The following ANTXR1 variants were observed in gnomAD, a reference collection of about 807,000 sequenced individuals.
ANTXR1 encodes ANTXR cell adhesion molecule 1.
A neutral mutation model predicts 78.1 loss-of-function variants in ANTXR1; 19 were observed. The ratio of observed to expected loss-of-function variants is 0.24; its 90% confidence interval spans 0.17 to 0.36. ANTXR1 has a LOEUF of 0.36. Among genes scored for constraint, ANTXR1 ranks in the 10% least tolerant of loss-of-function variants. ANTXR1 has a pLI of 1.00. For missense variants in ANTXR1, 518 were observed against 718.6 expected (o/e 0.72, Z 3.19); for synonymous variants, 273 against 260.5 (o/e 1.05, Z -0.46).
At chr2:69,168,146 T>A (rs923024859) in intron 13 of ANTXR1, among the ~76,000 whole-genome samples, 3 of 152,150 alleles carry the variant, frequency 2.0e-5, no homozygotes, top group Non-Finnish European at 4.4e-5. Context: ...GGCATCTCTG[T>A]CTGGAAGCCA....
At chr2:69,194,694 A>G (rs1674622372) in intron 17 of ANTXR1, among the ~76,000 whole-genome samples, 1 of 151,932 alleles carries the variant, frequency 6.6e-6, no homozygotes. Flanking sequence ...CTCTACTAAA[A>G]ATACAAAAAT....
At chr2:69,189,648 G>A (rs1007363095) in intron 16 of ANTXR1, among the ~76,000 whole-genome samples, 9 of 152,210 alleles carry the variant, frequency 5.9e-5, no homozygotes, top group Non-Finnish European at 1.0e-4. Flanking sequence ...GTGGGTCAGG[G>A]GTGGATGGGA....
intron 9 of ANTXR1, among the ~76,000 whole-genome samples, chr2:69,099,161 C>T (rs577714363): frequency 1.3e-5 from 2 of 152,356 alleles, no homozygotes; most frequent in South Asian, 4.1e-4. Flanking sequence ...TACTTTCTGT[C>T]TCTGTAGATC....
chr2:69,090,068 G>A (rs1033855074), intron 8 of ANTXR1, among the ~76,000 whole-genome samples: 2 of 152,132 alleles, frequency 1.3e-5, no homozygotes, highest in Non-Finnish European at 2.9e-5. Context: ...TTGTGGACAA[G>A]TGTACATTTC....
intron 17 of ANTXR1, among the ~76,000 whole-genome samples, chr2:69,210,240 C>T (rs906221036): frequency 1.3e-5 from 2 of 152,168 alleles, no homozygotes; most frequent in Non-Finnish European, 2.9e-5. Context: ...TTCTGTTCAC[C>T]CCGTAATAAT....
At chr2:69,057,128 A>T (rs888937200) in intron 3 of ANTXR1, among the ~76,000 whole-genome samples, 2 of 152,086 alleles carry the variant, frequency 1.3e-5, no homozygotes, top group Admixed American at 6.6e-5. Flanking sequence ...CTATTTTGTC[A>T]TATTTTATTG....
At chr2:69,104,418 C>T (rs543097078) in intron 10 of ANTXR1, among the ~76,000 whole-genome samples, 137 of 152,280 alleles carry the variant, frequency 9.0e-4, no homozygotes, top group African/African-American at 3.0e-3. Context: ...TAGAAACATT[C>T]GGTTAGTTTT....
chr2:69,093,377 T>A, intron 9 of ANTXR1, among the ~76,000 whole-genome samples: 1 of 152,206 alleles, frequency 6.6e-6, no homozygotes, highest in Non-Finnish European at 1.5e-5. Flanking sequence ...AGGAAAAATC[T>A]CCACCACTTA....
In ANTXR1 at chr2:69,103,041, G is replaced by A; in HGVS notation, c.802+101G>A. 1.7e-6 allele frequency: 2 copies of A among 1,201,402 alleles called. 1 individual carries two copies. Among genetic ancestry groups the A allele is most frequent in the Middle Eastern group, 3.9e-4 (2 of 5,138 alleles). 74.4% of individuals were successfully genotyped at this position (1,201,402 alleles called of 1,614,324 possible). A position where few individuals can be genotyped will look rare whatever the true frequency, so the allele number is the denominator to read the frequency against. ...CAAGGCCACACACATGAAACCAGCAGAAAAGAGTCTTATTTGCTGGAAAGA... is the reference window on the plus strand; with the variant it reads ...CAAGGCCACACACATGAAACCAGCAAAAAAGAGTCTTATTTGCTGGAAAGA... On this transcript the variant is annotated intron_variant, in intron 10 of 17. Coordinates refer to ENST00000303714, the MANE Select transcript of ANTXR1 (RefSeq NM_032208.3).
At chr2:69,204,768 C>G (rs1457965945) in intron 17 of ANTXR1, among the ~76,000 whole-genome samples, 1 of 152,164 alleles carries the variant, frequency 6.6e-6, no homozygotes, top group African/African-American at 2.4e-5. Context: ...TCCTGTCCTC[C>G]TACCTCTTCC....
intron 13 of ANTXR1, among the ~76,000 whole-genome samples, chr2:69,166,372 G>C (rs1367602731): frequency 6.6e-6 from 1 of 152,106 alleles, no homozygotes; most frequent in Non-Finnish European, 1.5e-5. Flanking sequence ...AAATTCTCAG[G>C]TATCAGAGAA....
At chr2:69,070,255 T>C (rs112321542) in intron 3 of ANTXR1, among the ~76,000 whole-genome samples, 3 of 152,322 alleles carry the variant, frequency 2.0e-5, no homozygotes, top group African/African-American at 7.2e-5. Flanking sequence ...GTGGTGGCCT[T>C]TCCCTGGGTT....
chr2:69,129,700 G>A (rs1261337419), intron 12 of ANTXR1, among the ~76,000 whole-genome samples: 4 of 151,462 alleles, frequency 2.6e-5, no homozygotes, highest in Admixed American at 6.6e-5. Flanking sequence ...ACAGTGAGCC[G>A]AGATTGCACC....
intron 14 of ANTXR1, among the ~76,000 whole-genome samples, chr2:69,178,522 G>A (rs555987400): frequency 6.6e-6 from 1 of 152,276 alleles, no homozygotes; most frequent in South Asian, 2.1e-4. Context: ...GGACAAGAGG[G>A]AGGAGCCAGG....
rs2104502834 is a variant in ANTXR1, at chr2:69,214,864, G to A, written c.1434+21449G>A. On this transcript the variant is annotated intron_variant, in intron 17 of 17. Coordinates refer to ENST00000303714, the MANE Select transcript of ANTXR1 (RefSeq NM_032208.3). ...CCTTCCAGTAGTTTCCTTGACACAG[G>A]CAGATGTTTCTTTATTCCCAGTGTT... Among the ~76,000 whole-genome samples, 3 of 152,294 alleles carry A rather than the reference G, an allele frequency of 2.0e-5. No homozygotes were observed. The South Asian group carries it at 6.2e-4, about 32-fold the overall frequency.
chr2:69,201,060 T>A (rs185630102), intron 17 of ANTXR1, among the ~76,000 whole-genome samples: 1 of 152,282 alleles, frequency 6.6e-6, no homozygotes, highest in Admixed American at 6.5e-5. Context: ...ACTGTATTAG[T>A]GCTTGATATT....
rs576744840 is a variant in ANTXR1, at chr2:69,226,981, G to A, written c.1435-18244G>A. Among the ~76,000 whole-genome samples the A allele has an allele frequency of 7.2e-5, 11 of 152,118 alleles. No homozygotes were observed. The East Asian group carries it at 9.6e-4, about 13-fold the overall frequency. ...CATTTAATTAGTGCAGGCTGGATTC[G>A]TGAAGCATTTCGTGCACCATGAAAA... On this transcript the variant is annotated intron_variant, in intron 17 of 17. Coordinates refer to ENST00000303714, the MANE Select transcript of ANTXR1 (RefSeq NM_032208.3).
chr2:69,088,938 T>C (rs932320123), intron 8 of ANTXR1, among the ~76,000 whole-genome samples: 12 of 152,120 alleles, frequency 7.9e-5, no homozygotes, highest in Non-Finnish European at 5.9e-5. Context: ...GCAAGGGACA[T>C]GGGAGTCCGG....
At chr2:69,144,074 A>G (rs1334954787) in intron 12 of ANTXR1, among the ~76,000 whole-genome samples, 3 of 152,244 alleles carry the variant, frequency 2.0e-5, no homozygotes, top group Non-Finnish European at 4.4e-5. Flanking sequence ...AAAATTGCCC[A>G]TGCTTTGCCA....
Sources: gnomAD v4.1 joint callset for allele counts (sites outside exome capture counted in the v4.1 genomes callset) on GRCh38, gnomAD v4.1.1 for gene constraint, MANE v1.5 for transcripts, NCBI Gene and HGNC (gene_info 2026-07-23, HGNC 2026-07-21) for gene names.